Variants in SCAMP1 observed in about 807,000 individuals in gnomAD.
The protein encoded by SCAMP1 is secretory carrier-associated membrane protein 1.
A neutral mutation model predicts 41.8 loss-of-function variants in SCAMP1; 15 were observed. The observed-to-expected ratio is 0.36, with a 90% CI of 0.24 to 0.55. The LOEUF is 0.55. Ranked by LOEUF, SCAMP1 falls within the 20% of genes least tolerant of loss-of-function variation. The pLI, the probability that SCAMP1 is intolerant of heterozygous loss-of-function variation, is 0.86. For missense variants in SCAMP1, 341 were observed against 412.6 expected, an observed-to-expected ratio of 0.83 and a Z score of 1.50; for synonymous variants, 135 against 136.8, an observed-to-expected ratio of 0.99 and a Z score of 0.09.
rs71613955 is a variant in SCAMP1 at position 78,443,653 on chromosome 5, C to CTTTTT, written c.633-6260_633-6256dup. On this transcript the variant is annotated intron_variant, in intron 6 of 8. Coordinates refer to ENST00000621999, the MANE Select transcript of SCAMP1 (RefSeq NM_004866.6). ...TTAGCCAGACTAGTGAGTGGTTTTGCTTTTTTTTTTTTTTTTTTTTTTTTG... is the reference window on the plus strand; with the variant it reads ...TTAGCCAGACTAGTGAGTGGTTTTGCTTTTTTTTTTTTTTTTTTTTTTTTTTTTTG... Among the ~76,000 whole-genome samples, 402 of 71,952 alleles carry CTTTTT rather than the reference C, an allele frequency of 5.6e-3. 14 individuals carry two copies. The highest frequency in any genetic ancestry group is 0.019 in the Middle Eastern group (1 of 52). 47.2% of individuals were successfully genotyped at this position (71,952 alleles called of 152,430 possible). A position where few individuals can be genotyped will look rare whatever the true frequency, so the allele number is the denominator to read the frequency against.
At position 78,476,841 on chromosome 5, in the gene SCAMP1, A is replaced by G. The variant is rs1008386465; in HGVS notation, c.*1173A>G. ...CATTTAACTTGCACCAAGCAAGAAA[A>G]TATAAATACAGTTAACTGCATTAAG... On this transcript the variant is annotated 3_prime_UTR_variant, in exon 9 of 9. Coordinates refer to ENST00000621999, the MANE Select transcript of SCAMP1 (RefSeq NM_004866.6). The G allele has an allele frequency of 2.0e-5, 3 of 152,498 alleles. No homozygotes were observed. The highest frequency in any genetic ancestry group is 4.4e-5 in the Non-Finnish European group (3 of 67,988). The allele number at this position is 152,498 out of a possible 1,614,324, so 9.4% of individuals were successfully genotyped here.
At chr5:78,454,647 T>G (rs1165351611) in intron 7 of SCAMP1, among the ~76,000 whole-genome samples, 4 of 152,162 alleles carry the variant, frequency 2.6e-5, no homozygotes, top group African/African-American at 9.7e-5. Context: ...AAATTCTCTT[T>G]TTTGGTTGTG....
At chr5:78,365,000 G>A (rs1266892296) in intron 1 of SCAMP1, among the ~76,000 whole-genome samples, 1 of 151,776 alleles carries the variant, frequency 6.6e-6, no homozygotes, top group Non-Finnish European at 1.5e-5. Context: ...TTGTGCACAT[G>A]TACCCTAGAA....
intron 7 of SCAMP1, among the ~76,000 whole-genome samples, chr5:78,455,726 T>G (rs1307713652): frequency 7.2e-6 from 1 of 138,584 alleles, no homozygotes; most frequent in Non-Finnish European, 1.5e-5. Flanking sequence ...TGAGTTCAAT[T>G]CCTGGGTATC....
intron 6 of SCAMP1, among the ~76,000 whole-genome samples, chr5:78,422,428 T>A (rs756588934): frequency 1.3e-5 from 2 of 151,992 alleles, no homozygotes; most frequent in Non-Finnish European, 2.9e-5. Flanking sequence ...CCATTTTAGG[T>A]TTTTTCAAAG....
intron 2 of SCAMP1, among the ~76,000 whole-genome samples, chr5:78,408,035 T>G (rs773265887): frequency 1.3e-5 from 2 of 152,164 alleles, no homozygotes; most frequent in Non-Finnish European, 2.9e-5. Flanking sequence ...TAAGCCAAAG[T>G]TACTTGGAAC....
At position 78,476,763 on chromosome 5, in the gene SCAMP1, AC is replaced by A. The variant is rs774759848; in HGVS notation, c.*1096del. 7.9e-5 allele frequency: 12 copies of A among 152,544 alleles called. No individual in the cohort carries two copies. The highest frequency in any genetic ancestry group is 1.4e-4 in the African/African-American group (6 of 41,450). 9.4% of individuals were successfully genotyped at this position (152,544 alleles called of 1,614,324 possible). ...GAATCCCTAAATGCACCTGTCTTTC[AC>A]TTTTTGAGACAGACTGAATATATCT... is the stretch of plus-strand genomic sequence containing the variant. On this transcript the variant is annotated 3_prime_UTR_variant, in exon 9 of 9. Coordinates refer to ENST00000621999, the MANE Select transcript of SCAMP1 (RefSeq NM_004866.6).
At chr5:78,397,140 G>A (rs1165912521) in intron 2 of SCAMP1, among the ~76,000 whole-genome samples, 3 of 152,170 alleles carry the variant, frequency 2.0e-5, no homozygotes, top group African/African-American at 7.2e-5. Context: ...GCATAGACAT[G>A]CAAATCAGTG....
chr5:78,462,366 G>A (rs543396670), intron 8 of SCAMP1, among the ~76,000 whole-genome samples: 2 of 152,268 alleles, frequency 1.3e-5, no homozygotes, highest in East Asian at 3.9e-4. Flanking sequence ...ATCTCACTCT[G>A]TTGCCCAGGC....
intron 6 of SCAMP1, among the ~76,000 whole-genome samples, chr5:78,448,184 C>CTTTTGTTTTT (rs1221666138): frequency 2.4e-5 from 3 of 127,504 alleles, no homozygotes; most frequent in Non-Finnish European, 4.9e-5. Flanking sequence ...TTCCTCTTCC[C>CTTTTGTTTTT]TTTTGTTTTT....
chr5:78,447,234 A>G (rs1392312442), intron 6 of SCAMP1, among the ~76,000 whole-genome samples: 1 of 152,254 alleles, frequency 6.6e-6, no homozygotes, highest in Non-Finnish European at 1.5e-5. Flanking sequence ...CACTGCTTTA[A>G]TGTATTCATG....
chr5:78,394,112 A>G lies in SCAMP1; in HGVS notation c.135+5198A>G, dbSNP rs1348926691. On this transcript the variant is annotated intron_variant, in intron 2 of 8. Coordinates refer to ENST00000621999, the MANE Select transcript of SCAMP1 (RefSeq NM_004866.6). ...ACATAGAGCAGAGAGAAGAACCACAAGAGAAAATTCCAGGTACTGACAGTG... is the reference window on the plus strand; with the variant it reads ...ACATAGAGCAGAGAGAAGAACCACAGGAGAAAATTCCAGGTACTGACAGTG... Among the ~76,000 whole-genome samples, 4 of 152,208 alleles carry G rather than the reference A, an allele frequency of 2.6e-5. No homozygotes were observed. In the South Asian group the frequency reaches 6.2e-4, roughly 24 times the overall value.
intron 3 of SCAMP1, among the ~76,000 whole-genome samples, chr5:78,416,310 C>T (rs1752206791): frequency 6.6e-6 from 1 of 152,040 alleles, no homozygotes; most frequent in East Asian, 1.9e-4. Flanking sequence ...AGAAGTTTTC[C>T]TCTCCTAATG....
At chr5:78,363,747 A>C (rs1253557946) in intron 1 of SCAMP1, among the ~76,000 whole-genome samples, 1 of 152,118 alleles carries the variant, frequency 6.6e-6, no homozygotes, top group Non-Finnish European at 1.5e-5. Flanking sequence ...CTCCTTATAT[A>C]ATATAACCAT....
chr5:78,474,303 C>T (rs1753953074), intron 8 of SCAMP1, among the ~76,000 whole-genome samples: 1 of 152,170 alleles, frequency 6.6e-6, no homozygotes. Context: ...AACATTCAGT[C>T]CATAACATAT....
rs1230307252 is a variant in SCAMP1 at position 78,375,710 on chromosome 5, T to C, written c.58-13127T>C. On this transcript the variant is annotated intron_variant, in intron 1 of 8. Transcript: ENST00000621999. ...AAGATTCTAATCATGTCTCTTGTCA[T>C]CCTTTGTAATTTTGAAAAACTTAGA... 2.0e-5 allele frequency among the ~76,000 whole-genome samples: 3 copies of C among 152,228 alleles called. No individual in the cohort carries two copies. The East Asian group carries it at 5.8e-4, about 29-fold the overall frequency.
intron 6 of SCAMP1, among the ~76,000 whole-genome samples, chr5:78,449,446 C>T (rs569844205): frequency 9.7e-4 from 148 of 152,010 alleles, no homozygotes; most frequent in Non-Finnish European, 2.0e-3. Context: ...ATAAAATAGT[C>T]AAACTATGGT....
intron 7 of SCAMP1, among the ~76,000 whole-genome samples, chr5:78,453,809 T>C (rs1753307950): frequency 6.6e-6 from 1 of 151,914 alleles, no homozygotes; most frequent in South Asian, 2.1e-4. Context: ...TGATTCTTCC[T>C]ACCCATGAGC....
chr5:78,458,931 G>A (rs1222007747), intron 7 of SCAMP1, among the ~76,000 whole-genome samples: 1 of 152,152 alleles, frequency 6.6e-6, no homozygotes, highest in South Asian at 2.1e-4. Flanking sequence ...AAAATGTACA[G>A]CTTAAAAAAT....
Sources: gnomAD v4.1 joint callset for allele counts (sites outside exome capture counted in the v4.1 genomes callset) on GRCh38, gnomAD v4.1.1 for gene constraint, MANE v1.5 for transcripts, NCBI Gene and HGNC (gene_info 2026-07-23, HGNC 2026-07-21) for gene names.